Variants in DNAJC13 observed in about 807,000 individuals in gnomAD.
The protein encoded by DNAJC13 is dnaJ homolog subfamily C member 13.
Under a neutral mutation model 290.5 loss-of-function variants are expected in DNAJC13, and 75 were observed. That is an observed-to-expected ratio of 0.26 (90% CI 0.21 to 0.31). The LOEUF (loss-of-function observed/expected upper bound fraction) is 0.31, where lower values mean the gene tolerates loss of function less well. DNAJC13 is among the 10% of genes least tolerant of loss of function. DNAJC13 has a pLI of 1.00. For synonymous variants in DNAJC13, 862 were observed against 892.0 expected (o/e 0.97, Z 0.60); for missense variants, 2,260 against 2,674.5 (o/e 0.85, Z 3.42).
chr3:132,522,831 C>T lies in DNAJC13; in HGVS notation c.5677C>T (p.Arg1893Ter). ...TADKLIGPKVRITLMKFLPSV... is the reference protein window; with the variant it reads ...TADKLIGPKV Reference sequence around the variant, plus strand: ...ATTCTCAAACTTCCTCGTATAGGTTCGAATTACGTTAATGAAATTTCTACC... The same window carrying T: ...ATTCTCAAACTTCCTCGTATAGGTTTGAATTACGTTAATGAAATTTCTACC... The change falls in exon 49 of 56, where the codon CGA (arginine) becomes TGA (stop). Residue 1893 changes from arginine (R) to a stop codon, truncating the protein, a stop_gained. Coordinates refer to ENST00000260818, the MANE Select transcript of DNAJC13 (RefSeq NM_015268.4). LOFTEE classifies it high-confidence loss of function. The T allele has an allele frequency of 6.2e-7, 1 of 1,601,158 alleles. No homozygotes were observed. Among genetic ancestry groups the T allele is most frequent in the Non-Finnish European group, 8.5e-7 (1 of 1,176,184 alleles).
In DNAJC13 at chr3:132,472,479, T is replaced by TA; in HGVS notation, c.2209-665dup. On this transcript the variant is annotated intron_variant, in intron 20 of 55. Transcript: ENST00000260818. ...AAGATAATTTTGTATTGATGTGTAA[T>TA]AGATATAATTTAGCAGATCTAGGCT... 1.0e-5 allele frequency: 8 copies of TA among 779,620 alleles called. No individual in the cohort carries two copies. The South Asian group carries it at 4.1e-4, about 40-fold the overall frequency. 48.3% of individuals were successfully genotyped at this position (779,620 alleles called of 1,614,324 possible).
intron 1 of DNAJC13, 40 bp from the exon 2 acceptor site, chr3:132,434,494 GATAT>G: frequency 7.3e-7 from 1 of 1,376,178 alleles, no homozygotes; most frequent in Non-Finnish European, 1.0e-6. Flanking sequence ...AAAGATTAAA[GATAT>G]ATAACATGTA....
At chr3:132,504,073 C>A (rs896986042) in intron 41 of DNAJC13, among the ~76,000 whole-genome samples, 1 of 151,394 alleles carries the variant, frequency 6.6e-6, no homozygotes, top group African/African-American at 2.4e-5. Context: ...TAGATTTGTA[C>A]CCATATGTTA....
chr3:132,526,124 C>G lies in DNAJC13; in HGVS notation c.6241-17C>G, dbSNP rs1192154472. 3 of 1,613,300 alleles carry G rather than the reference C, an allele frequency of 1.9e-6. No homozygotes were observed. The highest frequency in any genetic ancestry group is 2.5e-6 in the Non-Finnish European group (3 of 1,179,606). Reference sequence around the variant, plus strand: ...ATATTGCCAGTCTACAAGTAACCTTCTCTTTTGGGCACTTAGCTGTGTGTT... The same window carrying G: ...ATATTGCCAGTCTACAAGTAACCTTGTCTTTTGGGCACTTAGCTGTGTGTT... On this transcript the variant is annotated splice_polypyrimidine_tract_variant and intron_variant, in intron 52 of 55. Coordinates refer to ENST00000260818, the MANE Select transcript of DNAJC13 (RefSeq NM_015268.4).
intron 17 of DNAJC13, 27 bp from the exon 18 acceptor site, chr3:132,465,968 A>T (rs767135236): frequency 1.3e-6 from 2 of 1,579,082 alleles, no homozygotes; most frequent in Non-Finnish European, 1.7e-6. Flanking sequence ...AAAGCAGCAA[A>T]CCTTTCTCAA....
intron 53 of DNAJC13, among the ~76,000 whole-genome samples, chr3:132,527,543 C>T (rs1936298530): frequency 6.6e-6 from 1 of 152,154 alleles, no homozygotes; most frequent in Admixed American, 6.5e-5. Context: ...GGCTCTCTGA[C>T]CTCAGACATG....
chr3:132,513,103 A>T lies in DNAJC13; in HGVS notation c.5385+4A>T. 6.2e-7 allele frequency: 1 copy of T among 1,612,416 alleles called. No homozygotes were observed. The highest frequency in any genetic ancestry group is 1.1e-5 in the South Asian group (1 of 91,036). On this transcript the variant is annotated splice_donor_region_variant and intron_variant, in intron 45 of 55. Transcript: ENST00000260818. ...AGTGCAGCAGTTGGCTTTAGAGGTA[A>T]AAGCGTTTTGTACTAAAGCGTGTTG... is the stretch of plus-strand genomic sequence containing the variant.
chr3:132,506,458 G>A (rs929522439), intron 42 of DNAJC13, among the ~76,000 whole-genome samples: 5 of 144,630 alleles, frequency 3.5e-5, no homozygotes, highest in East Asian at 2.0e-4. Context: ...ATCTAAATTC[G>A]TTTTGGTTTC....
intron 42 of DNAJC13, among the ~76,000 whole-genome samples, chr3:132,506,179 A>C (rs1287059863): frequency 2.0e-5 from 3 of 146,830 alleles, no homozygotes; most frequent in Non-Finnish European, 3.0e-5. Context: ...CAGCTTCTCG[A>C]GTAGCTGGGA....
chr3:132,536,530 C>T (rs1272278284), intron 55 of DNAJC13, among the ~76,000 whole-genome samples: 1 of 152,194 alleles, frequency 6.6e-6, no homozygotes, highest in African/African-American at 2.4e-5. Flanking sequence ...TTGTAACCTA[C>T]TATTTTGATG....
At chr3:132,481,016 G>C (rs1431776585) in intron 26 of DNAJC13, among the ~76,000 whole-genome samples, 1 of 152,082 alleles carries the variant, frequency 6.6e-6, no homozygotes, top group South Asian at 2.1e-4. Context: ...CATTACAACA[G>C]GTACTGTTCT....
chr3:132,421,668 G>A (rs553271963), intron 1 of DNAJC13, among the ~76,000 whole-genome samples: 1 of 151,068 alleles, frequency 6.6e-6, no homozygotes, highest in Non-Finnish European at 1.5e-5. Flanking sequence ...TCGAACTCCT[G>A]ACCTCAAGTG....
intron 2 of DNAJC13, among the ~76,000 whole-genome samples, chr3:132,435,279 G>A (rs1474748522): frequency 6.6e-6 from 1 of 152,136 alleles, no homozygotes; most frequent in Non-Finnish European, 1.5e-5. Flanking sequence ...GGCATCTGTT[G>A]ACCATTACAA....
chr3:132,484,956 T>C (rs1934805866), intron 29 of DNAJC13, among the ~76,000 whole-genome samples: 1 of 151,814 alleles, frequency 6.6e-6, no homozygotes, highest in Admixed American at 6.6e-5. Context: ...TGATGGCACA[T>C]GTCTGTAGTC....
chr3:132,530,390 A>G, intron 54 of DNAJC13, among the ~76,000 whole-genome samples: 1 of 152,212 alleles, frequency 6.6e-6, no homozygotes, highest in Non-Finnish European at 1.5e-5. Context: ...GTCACACAGA[A>G]ATGTCTTTCA....
chr3:132,533,991 G>A (rs568186321), intron 55 of DNAJC13, among the ~76,000 whole-genome samples: 35 of 152,250 alleles, frequency 2.3e-4, no homozygotes, highest in East Asian at 5.8e-4. Context: ...GGATCCATGC[G>A]GTGGCTTCTG....
intron 30 of DNAJC13, 146 bp downstream of exon 30, chr3:132,488,598 A>G: frequency 2.4e-6 from 2 of 835,736 alleles, no homozygotes; most frequent in South Asian, 5.1e-5. Context: ...AGAGTTGGAA[A>G]GCAGAAGAAT....
rs1252603829 is a variant in DNAJC13, at chr3:132,523,601, T to A, written c.5948T>A (p.Val1983Asp). ...GAGGGTGAACTTGCTGTTGGAGGAGTCTTCTTGAGGATCTTTATTGCACAA... is the reference window on the plus strand; with the variant it reads ...GAGGGTGAACTTGCTGTTGGAGGAGACTTCTTGAGGATCTTTATTGCACAA... ...EAEGELAVGG[V>D]FLRIFIAQPA... Residue 1983 changes from valine (V) to aspartate (D), a missense_variant, in exon 51 of 56, where the codon GTC becomes GAC. Val to Asp is a radical substitution (Grantham distance 152). Transcript: ENST00000260818. 1 of 1,614,028 alleles carries A rather than the reference T, an allele frequency of 6.2e-7. No homozygotes were observed. The highest frequency in any genetic ancestry group is 8.5e-7 in the Non-Finnish European group (1 of 1,179,974).
chr3:132,506,925 G>A (rs1402335627), intron 42 of DNAJC13, among the ~76,000 whole-genome samples: 5 of 152,120 alleles, frequency 3.3e-5, no homozygotes, highest in African/African-American at 1.2e-4. Flanking sequence ...TACTAGGTCT[G>A]ATGTCTGCTG....
Sources: gnomAD v4.1 joint callset for allele counts (sites outside exome capture counted in the v4.1 genomes callset) on GRCh38, gnomAD v4.1.1 for gene constraint, MANE v1.5 for transcripts, NCBI Gene and HGNC (gene_info 2026-07-23, HGNC 2026-07-21) for gene names.